Variants in OCA2 observed in about 807,000 individuals in gnomAD.
OCA2 encodes OCA2 melanosomal transmembrane protein.
OCA2 carries 77 observed loss-of-function variants against 100.2 expected under a neutral mutation model. The observed-to-expected ratio is 0.77, with a 90% CI of 0.64 to 0.93. The LOEUF is 0.93. OCA2 is among the 40% of genes least tolerant of loss of function. The pLI is 0.00. For synonymous variants in OCA2, 432 were observed against 439.2 expected (o/e 0.98, Z 0.21); for missense variants, 1,062 against 1,089.1 (o/e 0.98, Z 0.35).
rs145880356 is a variant in OCA2, at chr15:27,986,625, A to G, written c.1201T>C (p.Phe401Leu). 9.4e-5 allele frequency: 150 copies of G among 1,594,552 alleles called. No individual in the cohort carries two copies. The highest frequency in any genetic ancestry group is 1.2e-4 in the Non-Finnish European group (138 of 1,161,988). The stretch of plus-strand genomic sequence containing the variant: ...TAATCGAAAAATCCCGTTTCTGAAA[A>G]TATGGCTACTAAGATCATCTATGGG... ...LFGMMILVAI[F>L]SETGFFDYCA... is the part of the protein sequence containing the mutation. Residue 401 changes from phenylalanine to leucine, a missense_variant, in exon 12 of 24, where the codon TTT becomes CTT. Transcript: ENST00000354638.
chr15:27,920,749 AACAAT>A (rs1595649114), intron 19 of OCA2, among the ~76,000 whole-genome samples: 1 of 152,188 alleles, frequency 6.6e-6, no homozygotes. Flanking sequence ...TCTGGAATTG[AACAAT>A]ACAAGTGAAA....
the OCA2 span, among the ~76,000 whole-genome samples, chr15:27,749,505 A>C: frequency 6.6e-6 from 1 of 152,168 alleles, no homozygotes; most frequent in Non-Finnish European, 1.5e-5. Context: ...ATAAGGCAAA[A>C]AATATATATT....
At chr15:27,941,405 A>C (rs1173211964) in intron 18 of OCA2, among the ~76,000 whole-genome samples, 1 of 152,198 alleles carries the variant, frequency 6.6e-6, no homozygotes, top group African/African-American at 2.4e-5. Context: ...ACCTTTTAAA[A>C]ATCTCGCAGT....
At chr15:27,914,851 G>GA (rs1294839753) in intron 19 of OCA2, among the ~76,000 whole-genome samples, 1 of 151,980 alleles carries the variant, frequency 6.6e-6, no homozygotes, top group East Asian at 1.9e-4. Flanking sequence ...CAGAGAATTA[G>GA]AAAAAAACTA....
intron 19 of OCA2, among the ~76,000 whole-genome samples, chr15:27,908,061 A>C (rs2038244896): frequency 6.6e-6 from 1 of 152,222 alleles, no homozygotes; most frequent in African/African-American, 2.4e-5. Context: ...CATTAAGAAA[A>C]AAAAAGAGTA....
chr15:27,778,526 G>A (rs1291928288), intron 23 of OCA2, among the ~76,000 whole-genome samples: 3 of 152,048 alleles, frequency 2.0e-5, no homozygotes, highest in Non-Finnish European at 4.4e-5. Flanking sequence ...CAGAAGACAC[G>A]CCCTTGCATA....
At chr15:27,956,517 C>A (rs1567154384) in intron 16 of OCA2, among the ~76,000 whole-genome samples, 1 of 152,198 alleles carries the variant, frequency 6.6e-6, no homozygotes, top group East Asian at 1.9e-4. Context: ...TCGGAGCCCA[C>A]ATGTTTCCTC....
intron 23 of OCA2, among the ~76,000 whole-genome samples, chr15:27,823,202 C>T (rs12441377): frequency 0.71 from 108,792 of 152,168 alleles, 39,721 homozygotes; most frequent in East Asian, 1. Flanking sequence ...TTCTTTCCCA[C>T]TGGTTTTTCT....
At chr15:28,091,777 G>A (rs556295139) in intron 1 of OCA2, among the ~76,000 whole-genome samples, 12 of 151,944 alleles carry the variant, frequency 7.9e-5, no homozygotes, top group East Asian at 7.8e-4. Flanking sequence ...CCAACACGGC[G>A]AAACCTCGTC....
the OCA2 span, among the ~76,000 whole-genome samples, chr15:27,722,092 G>T: frequency 6.6e-6 from 1 of 152,194 alleles, no homozygotes; most frequent in African/African-American, 2.4e-5. Flanking sequence ...CAGCATAATT[G>T]TGGAGTATTT....
intron 18 of OCA2, among the ~76,000 whole-genome samples, chr15:27,943,482 T>A (rs2039721589): frequency 6.6e-6 from 1 of 152,130 alleles, no homozygotes; most frequent in African/African-American, 2.4e-5. Flanking sequence ...CTATATTCTG[T>A]AGAGAATCCC....
intron 15 of OCA2, among the ~76,000 whole-genome samples, chr15:27,958,271 T>C (rs2040297897): frequency 6.6e-6 from 1 of 152,232 alleles, no homozygotes; most frequent in Non-Finnish European, 1.5e-5. Context: ...ATTCCTTTCT[T>C]GAACCAACAC....
chr15:27,988,303 T>C (rs2041429710), intron 11 of OCA2, among the ~76,000 whole-genome samples: 1 of 151,470 alleles, frequency 6.6e-6, no homozygotes, highest in Admixed American at 6.6e-5. Context: ...GCTGAAGCCA[T>C]TTTTATAGGC....
intron 1 of OCA2, among the ~76,000 whole-genome samples, chr15:28,092,021 A>G (rs1400215417): frequency 6.6e-6 from 1 of 152,230 alleles, no homozygotes; most frequent in Non-Finnish European, 1.5e-5. Flanking sequence ...GTATATACAC[A>G]CAGTGGATTA....
chr15:27,745,191 C>G, the OCA2 span, among the ~76,000 whole-genome samples: 1 of 152,154 alleles, frequency 6.6e-6, no homozygotes, highest in Non-Finnish European at 1.5e-5. Context: ...ACTCCTTAGA[C>G]GGAGTCGGGC....
the OCA2 span, among the ~76,000 whole-genome samples, chr15:27,745,386 GAATGC>G: frequency 2.4e-3 from 370 of 152,232 alleles, 2 homozygotes; most frequent in African/African-American, 8.5e-3. Context: ...GCAAAATTAG[GAATGC>G]CTTTATTCTC....
At chr15:27,758,101 T>G (rs1202594265) in intron 23 of OCA2, among the ~76,000 whole-genome samples, 2 of 152,104 alleles carry the variant, frequency 1.3e-5, no homozygotes, top group African/African-American at 4.8e-5. Context: ...ACCATAAAGA[T>G]GAAGAAGAGG....
chr15:27,857,065 T>G (rs1232819853), intron 21 of OCA2, among the ~76,000 whole-genome samples: 1 of 152,162 alleles, frequency 6.6e-6, no homozygotes, highest in Non-Finnish European at 1.5e-5. Flanking sequence ...ATTAGAATTA[T>G]TAGTCAAAGA....
downstream of OCA2, among the ~76,000 whole-genome samples, chr15:27,752,427 G>A (rs1015996318): frequency 2.0e-5 from 3 of 152,158 alleles, no homozygotes; most frequent in African/African-American, 7.2e-5. Context: ...AGGGAGTGTG[G>A]GCAAGCTCGC....
Sources: gnomAD v4.1 joint callset for allele counts (sites outside exome capture counted in the v4.1 genomes callset) on GRCh38, gnomAD v4.1.1 for gene constraint, MANE v1.5 for transcripts, NCBI Gene and HGNC (gene_info 2026-07-23, HGNC 2026-07-21) for gene names.